The following ZNF891 variants were observed in gnomAD, a reference collection of about 807,000 sequenced individuals.
The protein encoded by ZNF891 is hCG1646157.
For synonymous variants in ZNF891, 199 were observed against 209.0 expected (o/e 0.95, Z 0.41); for missense variants, 589 against 632.7 (o/e 0.93, Z 0.74).
At chr12:133,123,709 G>GAA (rs760585563) in intron 1 of ZNF891, among the ~76,000 whole-genome samples, 3 of 131,780 alleles carry the variant, frequency 2.3e-5, no homozygotes, top group African/African-American at 5.6e-5. Context: ...TCCTTTGCTT[G>GAA]AAAAAAAAAA....
Position 133,121,795 on chromosome 12 carries a change from G to A in ZNF891, c.124C>T (p.Pro42Ser). The A allele has an allele frequency of 6.5e-7, 1 of 1,536,790 alleles. No homozygotes were observed. Among genetic ancestry groups the A allele is most frequent in the Non-Finnish European group, 8.7e-7 (1 of 1,147,000 alleles). Residue 42 changes from proline to serine, a missense_variant, in exon 2 of 2, where the codon CCA becomes TCA. Coordinates refer to ENST00000537226, the MANE Select transcript of ZNF891 (RefSeq NM_001277291.2). ...ACAGCTACATCTTTGAAAGTCATTG[G>A]TTCCTGTAACCAGGTTGTCAGAAAT... is the stretch of plus-strand genomic sequence containing the variant. ...AVFLTTWLQEPMTFKDVAVEF... is the reference protein window; with the variant it reads ...AVFLTTWLQESMTFKDVAVEF...
chr12:133,119,875 CAG>C lies in ZNF891; in HGVS notation c.*407_*408del, dbSNP rs1386297521. 1.2e-5 allele frequency: 2 copies of C among 163,466 alleles called. No individual in the cohort carries two copies. The highest frequency in any genetic ancestry group is 4.8e-5 in the African/African-American group (2 of 41,546). 10.1% of individuals were successfully genotyped at this position (163,466 alleles called of 1,614,324 possible). A position where few individuals can be genotyped will look rare whatever the true frequency, so the allele number is the denominator to read the frequency against. ...AGAAGTCAAAGAAGCGTTCTATAACCAGAGACCTTATTGTTCTTGGCTAAGAT... is the reference window on the plus strand; with the variant it reads ...AGAAGTCAAAGAAGCGTTCTATAACCAGACCTTATTGTTCTTGGCTAAGAT... On this transcript the variant is annotated 3_prime_UTR_variant, in exon 2 of 2. Coordinates refer to ENST00000537226, the MANE Select transcript of ZNF891 (RefSeq NM_001277291.2).
rs1170114186 is a variant in ZNF891 at position 133,113,490 on chromosome 12, CA to C, written c.*6793del. 1 of 152,092 alleles carries C rather than the reference CA, an allele frequency of 6.6e-6. No individual in the cohort carries two copies. Among genetic ancestry groups the C allele is most frequent in the East Asian group, 1.9e-4 (1 of 5,194 alleles). The allele number at this position is 152,092 out of a possible 1,614,324, so 9.4% of individuals were successfully genotyped here. On this transcript the variant is annotated 3_prime_UTR_variant, in exon 2 of 2. Coordinates refer to ENST00000537226, the MANE Select transcript of ZNF891 (RefSeq NM_001277291.2). ...ATGTATCAAATATATCTCCACATGT[CA>C]ATCCACACAAATACATTTTAATGAC...
chr12:133,123,768 G>A (rs77061820), intron 1 of ZNF891, among the ~76,000 whole-genome samples: 8,147 of 141,534 alleles, frequency 0.058, 729 homozygotes, highest in African/African-American at 0.19. Context: ...ACAAAGTTAG[G>A]CTTCCTCTTC....
Position 133,112,316 on chromosome 12 carries a change from A to G in ZNF891, c.*7968T>C. The G allele has an allele frequency of 6.9e-6, 1 of 145,666 alleles. No homozygotes were observed. The highest frequency in any genetic ancestry group is 1.5e-5 in the Non-Finnish European group (1 of 66,550). 9.0% of individuals were successfully genotyped at this position (145,666 alleles called of 1,614,324 possible). ...ATTTCAAGTTAAATGTTATTTTCTCATGGAGACCTTCTTTTTTTTTTTTGA... is the reference window on the plus strand; with the variant it reads ...ATTTCAAGTTAAATGTTATTTTCTCGTGGAGACCTTCTTTTTTTTTTTTGA... On this transcript the variant is annotated 3_prime_UTR_variant, in exon 2 of 2. Coordinates refer to ENST00000537226, the MANE Select transcript of ZNF891 (RefSeq NM_001277291.2).
Position 133,121,695 on chromosome 12 carries a change from T to C in ZNF891, c.224A>G (p.Asn75Ser). 2 of 1,536,508 alleles carry C rather than the reference T, an allele frequency of 1.3e-6. No individual in the cohort carries two copies. Among genetic ancestry groups the C allele is most frequent in the Non-Finnish European group, 8.7e-7 (1 of 1,146,912 alleles). ...RSLYRDVMLE[N>S]YRNLTSVEYQ... ...TTCCACGGAGGTGAGATTTCTATAG[T>C]TTTCCAACATCACATCTCTGTACAG... The change falls in exon 2 of 2, where the codon AAC becomes AGC. Residue 75 changes from asparagine (N) to serine (S), a missense_variant. Transcript: ENST00000537226.
Position 133,114,690 on chromosome 12 carries a change from C to T in ZNF891, c.*5594G>A, listed in dbSNP as rs1262140503. The T allele has an allele frequency of 6.6e-6, 1 of 152,040 alleles. No individual in the cohort carries two copies. The highest frequency in any genetic ancestry group is 1.5e-5 in the Non-Finnish European group (1 of 68,022). The allele number at this position is 152,040 out of a possible 1,614,324, so 9.4% of individuals were successfully genotyped here. On this transcript the variant is annotated 3_prime_UTR_variant, in exon 2 of 2. Transcript: ENST00000537226. ...CAGGCAATACAGTGTGAAAGTGTGA[C>T]AAGTATTGTTAAAGCAGATGAAGGA... is the stretch of plus-strand genomic sequence containing the variant.
In ZNF891 at chr12:133,105,717, C is replaced by T. The variant is rs1955567229; in HGVS notation, c.*14567G>A. 4.3e-6 allele frequency: 7 copies of T among 1,614,016 alleles called. No individual in the cohort carries two copies. In the Admixed American group the frequency reaches 5.0e-5, roughly 12 times the overall value. On this transcript the variant is annotated 3_prime_UTR_variant, in exon 2 of 2. Coordinates refer to ENST00000537226, the MANE Select transcript of ZNF891 (RefSeq NM_001277291.2). ...AAAGTAACAGTCTCTCATCAAGAAG[C>T]CCTGGCTCAACATATGAATATCAGT...
Position 133,106,511 on chromosome 12 carries a change from C to G in ZNF891, c.*13773G>C, listed in dbSNP as rs535199777. On this transcript the variant is annotated 3_prime_UTR_variant, in exon 2 of 2. Coordinates refer to ENST00000537226, the MANE Select transcript of ZNF891 (RefSeq NM_001277291.2). ...TCAGAGAACTCATACTGGAGAGAAACCCTATGTATGTAAGGTATGCAACAA... is the reference window on the plus strand; with the variant it reads ...TCAGAGAACTCATACTGGAGAGAAAGCCTATGTATGTAAGGTATGCAACAA... The G allele has an allele frequency of 1.2e-6, 2 of 1,614,072 alleles. No homozygotes were observed. Among genetic ancestry groups the G allele is most frequent in the East Asian group, 4.5e-5 (2 of 44,884 alleles).
rs751237352 is a variant in ZNF891, at chr12:133,120,569, A to G, written c.1350T>C (p.His450=). 4.6e-5 allele frequency: 72 copies of G among 1,559,390 alleles called. No individual in the cohort carries two copies. Among genetic ancestry groups the G allele is most frequent in the Non-Finnish European group, 6.1e-5 (70 of 1,153,288 alleles). Residue 450 remains histidine, a synonymous_variant, in exon 2 of 2, where the codon CAT becomes CAC. Transcript: ENST00000537226. ...AFNTSSHLKV[H]KKIHTGENVY... Reference sequence around the variant, plus strand: ...CATTCTCTCCGGTATGAATTTTCTTATGAACTTTAAGGTGAGAGCTCGTGT... The same window carrying G: ...CATTCTCTCCGGTATGAATTTTCTTGTGAACTTTAAGGTGAGAGCTCGTGT...
chr12:133,126,598 G>C (rs1249081792), intron 1 of ZNF891, among the ~76,000 whole-genome samples: 1 of 150,748 alleles, frequency 6.6e-6, no homozygotes, highest in East Asian at 1.9e-4. Context: ...ATCACTTCAG[G>C]TCAGAATTCT....
In ZNF891 at chr12:133,107,424, A is replaced by G. The variant is rs919911070; in HGVS notation, c.*12860T>C. ...TTATAAATAAATCTTTTGGTTTATT[A>G]TAAACCTTCTGCTTGCTGATTTTTT... On this transcript the variant is annotated 3_prime_UTR_variant, in exon 2 of 2. Transcript: ENST00000537226. The G allele has an allele frequency of 6.6e-6, 1 of 152,196 alleles. No individual in the cohort carries two copies. Among genetic ancestry groups the G allele is most frequent in the African/African-American group, 2.4e-5 (1 of 41,458 alleles). The allele number at this position is 152,196 out of a possible 1,614,324, so 9.4% of individuals were successfully genotyped here.
Position 133,106,072 on chromosome 12 carries a change from A to C in ZNF891, c.*14212T>G, listed in dbSNP as rs867126796. ...CCTCCAACCTCACTCGACATCAAAG[A>C]ATTCACATAGGAAAGAAACAATATA... On this transcript the variant is annotated 3_prime_UTR_variant, in exon 2 of 2. Transcript: ENST00000537226. The C allele has an allele frequency of 6.2e-7, 1 of 1,614,034 alleles. No homozygotes were observed. The highest frequency in any genetic ancestry group is 1.3e-5 in the African/African-American group (1 of 74,926).
In ZNF891 at chr12:133,120,810, T is replaced by A; in HGVS notation, c.1109A>T (p.His370Leu). 6.4e-7 allele frequency: 1 copy of A among 1,568,118 alleles called. No individual in the cohort carries two copies. Among genetic ancestry groups the A allele is most frequent in the Middle Eastern group, 1.7e-4 (1 of 6,012 alleles). The part of the protein sequence containing the change: ...SSTLRRHVRT[H>L]TGEKPYECNQ... The stretch of plus-strand genomic sequence containing the variant: ...ACATTCATAGGGTTTCTCTCCAGTG[T>A]GAGTTCTTACATGTCTCCTTAAGGT... The change falls in exon 2 of 2, where the codon CAC becomes CTC. Residue 370 changes from histidine (H) to leucine (L), a missense_variant. His to Leu is a moderately conservative substitution (Grantham distance 99). Transcript: ENST00000537226.
In ZNF891 at chr12:133,118,809, T is replaced by C. The variant is rs1034020536; in HGVS notation, c.*1475A>G. On this transcript the variant is annotated 3_prime_UTR_variant, in exon 2 of 2. Coordinates refer to ENST00000537226, the MANE Select transcript of ZNF891 (RefSeq NM_001277291.2). ...CGGTCAACATTCCTTTTCCATACTT[T>C]TTTTCTATGTTCCTCTTCAAATGTG... 6.6e-6 allele frequency: 1 copy of C among 152,232 alleles called. No individual in the cohort carries two copies. Among genetic ancestry groups the C allele is most frequent in the South Asian group, 2.1e-4 (1 of 4,834 alleles). 9.4% of individuals were successfully genotyped at this position (152,232 alleles called of 1,614,324 possible). A position where few individuals can be genotyped will look rare whatever the true frequency, so the allele number is the denominator to read the frequency against.
chr12:133,117,001 T>TTCTCCCTCTCTTCCTTGCTATCTTTTA lies in ZNF891; in HGVS notation c.*3256_*3282dup, dbSNP rs1955718656. 1 of 152,230 alleles carries TTCTCCCTCTCTTCCTTGCTATCTTTTA rather than the reference T, an allele frequency of 6.6e-6. No homozygotes were observed. Among genetic ancestry groups the TTCTCCCTCTCTTCCTTGCTATCTTTTA allele is most frequent in the East Asian group, 1.9e-4 (1 of 5,190 alleles). 9.4% of individuals were successfully genotyped at this position (152,230 alleles called of 1,614,324 possible). ...GTTCATACCATCTAGTTATACCACT[T>TTCTCCCTCTCTTCCTTGCTATCTTTTA]TCTCCCTCTCTTCCTTGCTATCTTT... is the stretch of plus-strand genomic sequence containing the variant. On this transcript the variant is annotated 3_prime_UTR_variant, in exon 2 of 2. Transcript: ENST00000537226.
Position 133,111,939 on chromosome 12 carries a change from C to T in ZNF891, c.*8345G>A, listed in dbSNP as rs1056351363. On this transcript the variant is annotated 3_prime_UTR_variant, in exon 2 of 2. Coordinates refer to ENST00000537226, the MANE Select transcript of ZNF891 (RefSeq NM_001277291.2). The stretch of plus-strand genomic sequence containing the variant: ...ACTATTGCAAATAGCTTCCTAGTCT[C>T]TCAAGATTTTTTTATACAAAAATGT... The T allele has an allele frequency of 1.3e-5, 2 of 152,194 alleles. No homozygotes were observed. The highest frequency in any genetic ancestry group is 1.9e-4 in the East Asian group (1 of 5,200). The allele number at this position is 152,194 out of a possible 1,614,324, so 9.4% of individuals were successfully genotyped here. A position where few individuals can be genotyped will look rare whatever the true frequency, so the allele number is the denominator to read the frequency against.
chr12:133,129,368 G>T (rs1417096872), intron 1 of ZNF891, among the ~76,000 whole-genome samples: 1 of 151,954 alleles, frequency 6.6e-6, no homozygotes, highest in South Asian at 2.1e-4. Flanking sequence ...GGGCGTGGTG[G>T]CTCATGTCTG....
Position 133,113,283 on chromosome 12 carries a change from A to C in ZNF891, c.*7001T>G, listed in dbSNP as rs73426002. The C allele has an allele frequency of 4.2e-3, 638 of 152,146 alleles. 4 individuals are homozygous for C. The highest frequency in any genetic ancestry group is 0.015 in the African/African-American group (616 of 41,534). 9.4% of individuals were successfully genotyped at this position (152,146 alleles called of 1,614,324 possible). On this transcript the variant is annotated 3_prime_UTR_variant, in exon 2 of 2. Transcript: ENST00000537226. ...AGTTAATGATAGAATTATTTTTAAG[A>C]AATAGACCACAGCTCTGTTCACTAA...
Sources: gnomAD v4.1 joint callset for allele counts (sites outside exome capture counted in the v4.1 genomes callset) on GRCh38, gnomAD v4.1.1 for gene constraint, MANE v1.5 for transcripts, NCBI Gene and HGNC (gene_info 2026-07-23, HGNC 2026-07-21) for gene names.